Variants in MYT1L observed in about 807,000 individuals in gnomAD.
MYT1L encodes the protein myelin transcription factor 1 like, also known as myelin transcription factor 1-like protein.
Under a neutral mutation model 126.7 loss-of-function variants are expected in MYT1L, and 12 were observed. The observed-to-expected ratio is 0.09, with a 90% CI of 0.06 to 0.15. The LOEUF (loss-of-function observed/expected upper bound fraction) is 0.15, where lower values mean the gene tolerates loss of function less well. Ranked by LOEUF, MYT1L falls within the 10% of genes least tolerant of loss-of-function variation. MYT1L has a pLI of 1.00. For missense variants in MYT1L, 979 were observed against 1,585.2 expected (o/e 0.62, Z 6.49); for synonymous variants, 541 against 604.2 (o/e 0.90, Z 1.53).
At position 2,228,688 on chromosome 2, in the gene MYT1L, G is replaced by T. The variant is rs1030011504; in HGVS notation, c.-420-55700C>A. Among the ~76,000 whole-genome samples, 2 of 151,982 alleles carry T rather than the reference G, an allele frequency of 1.3e-5. No individual in the cohort carries two copies. The highest frequency in any genetic ancestry group is 2.4e-5 in the African/African-American group (1 of 41,378). On this transcript the variant is annotated intron_variant, in intron 2 of 24. Coordinates refer to ENST00000647738, the MANE Select transcript of MYT1L (RefSeq NM_001303052.2). This position sits in a 1 kb window ranked among gnomAD's most constrained non-coding sequence, Gnocchi z 5.9. ...TAGAACCATTTATATAACTTAGCAGGTATAAAAAGGTTTCAACCTTAATAT... is the reference window on the plus strand; with the variant it reads ...TAGAACCATTTATATAACTTAGCAGTTATAAAAAGGTTTCAACCTTAATAT...
chr2:1,918,533 G>A (rs1212676463), intron 10 of MYT1L, among the ~76,000 whole-genome samples: 1 of 152,152 alleles, frequency 6.6e-6, no homozygotes, highest in Admixed American at 6.5e-5. Context: ...AATAAAAGCT[G>A]GATTTAGAAT....
At chr2:1,794,262 C>T (rs568327653) in intron 23 of MYT1L, among the ~76,000 whole-genome samples, 1 of 152,372 alleles carries the variant, frequency 6.6e-6, no homozygotes, top group African/African-American at 2.4e-5. Context: ...GCCTCGCCAT[C>T]GCTGGCCCTC....
chr2:2,136,277 A>T (rs1346083995), intron 3 of MYT1L, among the ~76,000 whole-genome samples: 2 of 152,246 alleles, frequency 1.3e-5, no homozygotes, highest in African/African-American at 4.8e-5. Context: ...CAGAAACTGC[A>T]TATTCCAGCA....
chr2:1,988,305 C>A (rs1291323214), intron 5 of MYT1L, among the ~76,000 whole-genome samples: 2 of 152,232 alleles, frequency 1.3e-5, no homozygotes, highest in Non-Finnish European at 2.9e-5. Context: ...GGGCACACAG[C>A]AGGGCTGCCT....
intron 19 of MYT1L, among the ~76,000 whole-genome samples, chr2:1,845,167 T>C (rs12714319): frequency 0.48 from 73,429 of 151,826 alleles, 19,930 homozygotes; most frequent in African/African-American, 0.74. Context: ...TTAGTAGAGA[T>C]GACGTTTCAT....
At chr2:2,029,002 T>C (rs962466073) in intron 4 of MYT1L, among the ~76,000 whole-genome samples, 1 of 152,180 alleles carries the variant, frequency 6.6e-6, no homozygotes, top group Non-Finnish European at 1.5e-5. Flanking sequence ...GTACTATAAA[T>C]TAGGTACTAG....
intron 3 of MYT1L, among the ~76,000 whole-genome samples, chr2:2,087,691 G>A (rs1210050463): frequency 6.6e-6 from 1 of 152,246 alleles, no homozygotes; most frequent in Non-Finnish European, 1.5e-5. Flanking sequence ...TCCATGAACT[G>A]AATGTAGTTC....
chr2:2,004,747 C>A (rs906505237), intron 4 of MYT1L, among the ~76,000 whole-genome samples: 1,699 of 118,758 alleles, frequency 0.014, 20 homozygotes, highest in African/African-American at 0.063. Flanking sequence ...TTCTTTCCTG[C>A]AGGCGTTCTT....
intron 3 of MYT1L, among the ~76,000 whole-genome samples, chr2:2,167,492 A>T (rs2089343828): frequency 6.6e-6 from 1 of 152,112 alleles, no homozygotes. Context: ...TCCAATCCAC[A>T]CTTCACACTG....
intron 18 of MYT1L, among the ~76,000 whole-genome samples, chr2:1,875,154 A>G (rs1232339566): frequency 2.0e-5 from 3 of 152,220 alleles, no homozygotes; most frequent in Admixed American, 2.0e-4. Flanking sequence ...CAAGGCTTCT[A>G]TGTTCCGGCG....
intron 3 of MYT1L, among the ~76,000 whole-genome samples, chr2:2,119,955 G>A (rs2080764319): frequency 1.3e-5 from 2 of 151,978 alleles, no homozygotes; most frequent in African/African-American, 4.8e-5. Flanking sequence ...TGCGAGTGAG[G>A]GTGTGTGCCT....
chr2:2,141,279 C>T (rs2083935605), intron 3 of MYT1L, among the ~76,000 whole-genome samples: 1 of 152,146 alleles, frequency 6.6e-6, no homozygotes, highest in African/African-American at 2.4e-5. Flanking sequence ...TTATAATCTG[C>T]CTTTCCACTA....
intron 9 of MYT1L, among the ~76,000 whole-genome samples, chr2:1,941,797 T>C (rs907583968): frequency 5.9e-5 from 9 of 152,344 alleles, no homozygotes; most frequent in African/African-American, 2.2e-4. Flanking sequence ...TATATGTACA[T>C]GTAAGTAAGT....
At chr2:1,894,249 G>A (rs1044804925) in intron 14 of MYT1L, among the ~76,000 whole-genome samples, 1 of 152,178 alleles carries the variant, frequency 6.6e-6, no homozygotes, top group African/African-American at 2.4e-5. Flanking sequence ...CCTCTAGGGA[G>A]CCCAGCAGTG....
intron 3 of MYT1L, among the ~76,000 whole-genome samples, chr2:2,093,988 A>T (rs1340614855): frequency 1.3e-5 from 2 of 152,212 alleles, no homozygotes; most frequent in Non-Finnish European, 2.9e-5. Context: ...TTTGTCAAAG[A>T]TCAGATAGTT....
chr2:1,932,972 C>T (rs776750412), intron 9 of MYT1L, among the ~76,000 whole-genome samples: 10 of 152,122 alleles, frequency 6.6e-5, no homozygotes, highest in African/African-American at 2.4e-4. Context: ...ACAATGGCAC[C>T]AGCAGGCAGA....
rs576529985 is a variant in MYT1L at position 1,986,409 on chromosome 2, G to T, written c.1-6632C>A. On this transcript the variant is annotated intron_variant, in intron 5 of 24. Transcript: ENST00000647738. ...CTTCAAAAAAAGCCTCAGGGTATTTGCTCTGGGAAAATCCTGGGATTCCCT... is the reference window on the plus strand; with the variant it reads ...CTTCAAAAAAAGCCTCAGGGTATTTTCTCTGGGAAAATCCTGGGATTCCCT... 1.2e-3 allele frequency among the ~76,000 whole-genome samples: 182 copies of T among 152,228 alleles called. 4 individuals carry two copies. In the South Asian group the frequency reaches 0.029, roughly 24 times the overall value.
chr2:2,047,736 T>C (rs960213378), intron 4 of MYT1L, among the ~76,000 whole-genome samples: 6 of 152,358 alleles, frequency 3.9e-5, no homozygotes, highest in African/African-American at 1.2e-4. Context: ...GCTAGTTATT[T>C]AAATAGGATA....
intron 3 of MYT1L, among the ~76,000 whole-genome samples, chr2:2,109,622 TGTA>T (rs1425239846): frequency 6.6e-6 from 1 of 151,940 alleles, no homozygotes; most frequent in Admixed American, 6.6e-5. Context: ...TACCACTTCT[TGTA>T]GTACTTGGGG....
Sources: gnomAD v4.1 joint callset for allele counts (sites outside exome capture counted in the v4.1 genomes callset) on GRCh38, gnomAD v4.1.1 for gene constraint, Gnocchi (gnomAD v3.1) non-coding constraint, MANE v1.5 for transcripts, NCBI Gene and HGNC (gene_info 2026-07-23, HGNC 2026-07-21) for gene names.